SDHAF4: variants seen among roughly 807,000 people sequenced by gnomAD.
SDHAF4 encodes the protein succinate dehydrogenase assembly factor 4, mitochondrial.
In SDHAF4, 14 loss-of-function variants were observed where a neutral mutation model predicts 14.3. The ratio of observed to expected loss-of-function variants is 0.98; its 90% CI spans 0.65 to 1.53. The LOEUF is 1.53. Ranked by LOEUF, SDHAF4 falls within the 40% of genes most tolerant of loss-of-function variation. The pLI is 0.00. For synonymous variants in SDHAF4, 63 were observed against 47.3 expected, an observed-to-expected ratio of 1.33 and a Z score of -1.36; for missense variants, 141 against 129.3, an observed-to-expected ratio of 1.09 and a Z score of -0.44.
chr6:70,579,304 C>A, intron 1 of SDHAF4, 110 bp from the exon 2 acceptor site: 2 of 922,014 alleles, frequency 2.2e-6, no homozygotes, highest in Non-Finnish European at 2.9e-6. Flanking sequence ...ACTTTTTGAA[C>A]TTTGAGAAAT....
At chr6:70,575,733 G>A (rs1318735884) in intron 1 of SDHAF4, among the ~76,000 whole-genome samples, 3 of 152,026 alleles carry the variant, frequency 2.0e-5, no homozygotes, top group Non-Finnish European at 4.4e-5. Flanking sequence ...GTGTGAGAGA[G>A]AGAGAGTCAT....
chr6:70,567,454 T>C (rs1802112225), intron 1 of SDHAF4: 1 of 158,888 alleles, frequency 6.3e-6, no homozygotes, highest in Non-Finnish European at 1.4e-5. Context: ...CAGAAAAGGA[T>C]TTGTGGCAGT....
intron 1 of SDHAF4, among the ~76,000 whole-genome samples, chr6:70,569,034 C>T (rs1347598069): frequency 3.0e-5 from 4 of 132,040 alleles, no homozygotes; most frequent in African/African-American, 8.8e-5. Context: ...GGCGCGATCT[C>T]GACTCACTGC....
In SDHAF4 at chr6:70,567,079, C is replaced by T. The variant is rs531230126; in HGVS notation, c.64+75C>T. 5,562 of 1,397,786 alleles carry T rather than the reference C, an allele frequency of 4.0e-3. 225 individuals are homozygous for T. The South Asian group carries it at 0.065, about 16-fold the overall frequency. 86.6% of individuals were successfully genotyped at this position (1,397,786 alleles called of 1,614,324 possible). ...CAGGCGCAGAGAGAAGCGCCTCCCG[C>T]GGAGGAAGCCGCGTGTGTCCTGGCC... On this transcript the variant is annotated intron_variant, in intron 1 of 2. Transcript: ENST00000370474.
intron 2 of SDHAF4, among the ~76,000 whole-genome samples, chr6:70,583,780 C>T (rs999174883): frequency 2.6e-5 from 4 of 152,174 alleles, no homozygotes; most frequent in Non-Finnish European, 5.9e-5. Flanking sequence ...CATCCTGGGC[C>T]ACATGCAGCC....
In SDHAF4 at chr6:70,588,844, T is replaced by TATATATAG; in HGVS notation, c.*127_*128insGATATATA. 1 of 303,854 alleles carries TATATATAG rather than the reference T, an allele frequency of 3.3e-6. No homozygotes were observed. Among genetic ancestry groups the TATATATAG allele is most frequent in the Non-Finnish European group, 6.2e-6 (1 of 160,666 alleles). 18.8% of individuals were successfully genotyped at this position (303,854 alleles called of 1,614,324 possible). A position where few individuals can be genotyped will look rare whatever the true frequency, so the allele number is the denominator to read the frequency against. On this transcript the variant is annotated 3_prime_UTR_variant, in exon 3 of 3. Coordinates refer to ENST00000370474, the MANE Select transcript of SDHAF4 (RefSeq NM_145267.3). ...GTGTAGTTTGTATAATGTGTTTAAA[T>TATATATAG]ATATATATATATGATGGCTTTGGAA...
intron 2 of SDHAF4, among the ~76,000 whole-genome samples, chr6:70,585,381 T>A (rs926391949): frequency 1.3e-5 from 2 of 152,190 alleles, no homozygotes; most frequent in African/African-American, 2.4e-5. Flanking sequence ...AATGCCCTTA[T>A]AAGAAGAGAT....
chr6:70,586,223 A>C (rs533315666), intron 2 of SDHAF4, among the ~76,000 whole-genome samples: 2 of 152,152 alleles, frequency 1.3e-5, no homozygotes, highest in Admixed American at 1.3e-4. Flanking sequence ...TGAATGTAAG[A>C]GAGACCTAAG....
intron 1 of SDHAF4, among the ~76,000 whole-genome samples, chr6:70,579,153 A>G (rs1470701134): frequency 6.6e-6 from 1 of 152,230 alleles, no homozygotes; most frequent in Non-Finnish European, 1.5e-5. Context: ...TCAGATAGGA[A>G]TTAATGTTTT....
intron 1 of SDHAF4, among the ~76,000 whole-genome samples, chr6:70,569,920 A>G (rs1268785379): frequency 6.6e-6 from 1 of 152,144 alleles, no homozygotes; most frequent in African/African-American, 2.4e-5. Flanking sequence ...GATGGTTTGT[A>G]TATGGTGTGA....
chr6:70,573,691 T>C (rs1165590214), intron 1 of SDHAF4, among the ~76,000 whole-genome samples: 1 of 151,526 alleles, frequency 6.6e-6, no homozygotes, highest in East Asian at 1.9e-4. Context: ...TTTTTTTATT[T>C]TTTATACAGA....
At chr6:70,584,108 C>G (rs1212484072) in intron 2 of SDHAF4, among the ~76,000 whole-genome samples, 1 of 151,972 alleles carries the variant, frequency 6.6e-6, no homozygotes, top group African/African-American at 2.4e-5. Context: ...TCACTGCAAC[C>G]TCTGCCTCGG....
downstream of SDHAF4, among the ~76,000 whole-genome samples, chr6:70,593,056 C>T (rs959333362): frequency 6.6e-6 from 1 of 152,244 alleles, no homozygotes; most frequent in Admixed American, 6.5e-5. Flanking sequence ...ACCTCTACTC[C>T]TGGGCATTCT....
At chr6:70,576,836 G>C (rs532607477) in intron 1 of SDHAF4, among the ~76,000 whole-genome samples, 3 of 152,250 alleles carry the variant, frequency 2.0e-5, no homozygotes, top group South Asian at 2.1e-4. Flanking sequence ...AAACAAAAAG[G>C]GTAACTTGAC....
chr6:70,569,614 C>T (rs1332543984), intron 1 of SDHAF4, among the ~76,000 whole-genome samples: 3 of 152,104 alleles, frequency 2.0e-5, no homozygotes, highest in Admixed American at 6.6e-5. Context: ...TTTTTAGTTA[C>T]GTAAGTGTCA....
At chr6:70,572,612 A>AT (rs1297729727) in intron 1 of SDHAF4, among the ~76,000 whole-genome samples, 1 of 151,120 alleles carries the variant, frequency 6.6e-6, no homozygotes. Flanking sequence ...GTTTTTATTC[A>AT]TTTTTTTCTT....
chr6:70,571,135 A>G (rs1432310893), intron 1 of SDHAF4, among the ~76,000 whole-genome samples: 1 of 152,040 alleles, frequency 6.6e-6, no homozygotes, highest in East Asian at 1.9e-4. Flanking sequence ...TTTTTTAATG[A>G]TGAATAAATC....
chr6:70,569,215 C>T (rs1244848814), intron 1 of SDHAF4, among the ~76,000 whole-genome samples: 2 of 152,024 alleles, frequency 1.3e-5, no homozygotes, highest in Non-Finnish European at 2.9e-5. Context: ...CCGCCCGTCT[C>T]GGCCTCCCAA....
chr6:70,582,977 T>C (rs2128535586), intron 2 of SDHAF4, among the ~76,000 whole-genome samples: 1 of 152,086 alleles, frequency 6.6e-6, no homozygotes, highest in South Asian at 2.1e-4. Context: ...GACATAAAGA[T>C]GAATAAGAAA....
Sources: gnomAD v4.1 joint callset for allele counts (sites outside exome capture counted in the v4.1 genomes callset) on GRCh38, gnomAD v4.1.1 for gene constraint, MANE v1.5 for transcripts, NCBI Gene and HGNC (gene_info 2026-07-23, HGNC 2026-07-21) for gene names.